Variants in LNX1 observed in about 807,000 individuals in gnomAD.
The protein encoded by LNX1 is ligand of numb-protein X 1, also known as E3 ubiquitin-protein ligase LNX.
Under a neutral mutation model 68.4 loss-of-function variants are expected in LNX1, and 54 were observed. That is an observed-to-expected ratio of 0.79 (90% confidence interval 0.63 to 0.99). The LOEUF (loss-of-function observed/expected upper bound fraction) is 0.99, where lower values mean the gene tolerates loss of function less well. LNX1 is among the 50% of genes least tolerant of loss of function. The probability of loss-of-function intolerance (pLI) is 0.00; values close to 1 mark genes in which losing one functional copy is unlikely to be tolerated. For synonymous variants in LNX1, 336 were observed against 350.0 expected, an observed-to-expected ratio of 0.96 and a Z score of 0.45; for missense variants, 906 against 926.4, an observed-to-expected ratio of 0.98 and a Z score of 0.29.
chr4:53,476,956 C>G lies in LNX1; in HGVS notation c.1689G>C (p.Gly563=), dbSNP rs1456406649. Residue 563 remains glycine, a synonymous_variant, in exon 9 of 11, where the codon GGG becomes GGC. Coordinates refer to ENST00000263925, the MANE Select transcript of LNX1 (RefSeq NM_001126328.3). ...KTGDILLNVD[G]VELTEVSRSE... ...TCCGGCTGACCTCTGTCAGTTCGAC[C>G]CCATCCACATTCAACAAAATGTCAC... 2 of 1,613,942 alleles carry G rather than the reference C, an allele frequency of 1.2e-6. No homozygotes were observed. The highest frequency in any genetic ancestry group is 1.7e-6 in the Non-Finnish European group (2 of 1,180,000).
intron 6 of LNX1, 30 bp downstream of exon 6, chr4:53,495,993 A>G: frequency 6.3e-7 from 1 of 1,591,344 alleles, no homozygotes; most frequent in East Asian, 2.2e-5. Flanking sequence ...GGGGTTTCTG[A>G]CTGGGATCCT....
rs760628042 is a variant in LNX1, at chr4:53,459,635, C to CTAT, written c.*1269_*1271dup. 5.4e-5 allele frequency: 42 copies of CTAT among 780,236 alleles called. No individual in the cohort carries two copies. The highest frequency in any genetic ancestry group is 3.9e-4 in the Middle Eastern group (1 of 2,584). The allele number at this position is 780,236 out of a possible 1,614,324, so 48.3% of individuals were successfully genotyped here. A position where few individuals can be genotyped will look rare whatever the true frequency, so the allele number is the denominator to read the frequency against. ...TTAAGTTAAAAATCTTTGTCTTGTA[C>CTAT]TATTTCAAAAATAAAAAGACAGCAA... On this transcript the variant is annotated 3_prime_UTR_variant, in exon 11 of 11. Transcript: ENST00000263925.
Position 53,513,580 on chromosome 4 carries a change from C to A in LNX1, c.381-5353G>T, listed in dbSNP as rs75490087. On this transcript the variant is annotated intron_variant, in intron 2 of 10. Transcript: ENST00000263925. ...CACATGTTCCTGTGTTACTAAATAG[C>A]TCCTTATCTGTCATTCAGGCCAAAA... 8.9e-3 allele frequency among the ~76,000 whole-genome samples: 1,349 copies of A among 152,318 alleles called. 27 individuals carry two copies. The highest frequency in any genetic ancestry group is 0.031 in the African/African-American group (1,283 of 41,568).
At chr4:53,574,332 TG>T (rs778660518) in intron 1 of LNX1, among the ~76,000 whole-genome samples, 35 of 152,266 alleles carry the variant, frequency 2.3e-4, no homozygotes, top group Middle Eastern at 3.4e-3. Flanking sequence ...CACATTGGTG[TG>T]GTAAGAATCA....
chr4:53,642,676 G>GC (rs538941097), intron 1 of LNX1, among the ~76,000 whole-genome samples: 2 of 152,162 alleles, frequency 1.3e-5, no homozygotes, highest in Non-Finnish European at 2.9e-5. Flanking sequence ...ACAAACACTG[G>GC]CCTTTTGGAG....
intron 4 of LNX1, among the ~76,000 whole-genome samples, chr4:53,500,982 C>T (rs991470488): frequency 7.2e-5 from 11 of 152,104 alleles, no homozygotes; most frequent in Non-Finnish European, 7.3e-5. Flanking sequence ...AAACCTAAAC[C>T]GCTAGAGAAT....
chr4:53,499,703 T>C (rs1725341781), intron 4 of LNX1, among the ~76,000 whole-genome samples: 1 of 152,232 alleles, frequency 6.6e-6, no homozygotes, highest in Non-Finnish European at 1.5e-5. Context: ...GAAAATTTCT[T>C]CCTTAAAGAC....
chr4:53,518,792 T>G (rs1371443121), intron 2 of LNX1, among the ~76,000 whole-genome samples: 1 of 151,954 alleles, frequency 6.6e-6, no homozygotes, highest in Non-Finnish European at 1.5e-5. Flanking sequence ...GCTGATTATT[T>G]GGGGGGCAAC....
intron 7 of LNX1, among the ~76,000 whole-genome samples, chr4:53,480,312 G>T (rs538592730): frequency 6.6e-6 from 1 of 152,252 alleles, no homozygotes; most frequent in Non-Finnish European, 1.5e-5. Flanking sequence ...ATGACAGAGG[G>T]TTGCAGCAGA....
intron 7 of LNX1, among the ~76,000 whole-genome samples, chr4:53,480,429 A>G (rs532944821): frequency 3.3e-5 from 5 of 152,240 alleles, no homozygotes; most frequent in Non-Finnish European, 1.5e-5. Flanking sequence ...GACTTAGAAT[A>G]TGACGTATTC....
intron 1 of LNX1, among the ~76,000 whole-genome samples, chr4:53,631,138 A>G (rs1734254550): frequency 6.6e-6 from 1 of 152,138 alleles, no homozygotes; most frequent in African/African-American, 2.4e-5. Flanking sequence ...GAGTTAAGGG[A>G]TGCAGCTACT....
chr4:53,480,169 T>C (rs1723820008), intron 7 of LNX1, among the ~76,000 whole-genome samples: 1 of 152,252 alleles, frequency 6.6e-6, no homozygotes, highest in African/African-American at 2.4e-5. Context: ...CAAAGAGCCA[T>C]ATATGTCTCA....
chr4:53,644,379 G>A (rs1734803386), intron 1 of LNX1, among the ~76,000 whole-genome samples: 1 of 149,836 alleles, frequency 6.7e-6, no homozygotes, highest in Non-Finnish European at 1.5e-5. Flanking sequence ...TCCAGCCTGG[G>A]CAACAGAGTG....
At chr4:53,461,397 A>G in intron 10 of LNX1, 38 bp downstream of exon 10, 1 of 1,510,512 alleles carries the variant, frequency 6.6e-7, no homozygotes, top group Non-Finnish European at 9.1e-7. Context: ...ATGAAACAAC[A>G]TTTAATACAA....
chr4:53,622,836 A>T (rs1439548460), intron 1 of LNX1, among the ~76,000 whole-genome samples: 1 of 152,214 alleles, frequency 6.6e-6, no homozygotes, highest in African/African-American at 2.4e-5. Flanking sequence ...ATTGTCTGCC[A>T]CAGGACTTGG....
chr4:53,531,838 G>A (rs1577670628), intron 2 of LNX1, among the ~76,000 whole-genome samples: 1 of 152,130 alleles, frequency 6.6e-6, no homozygotes, highest in Non-Finnish European at 1.5e-5. Context: ...TTCCAGGCTC[G>A]GGTGTTGTTG....
chr4:53,580,441 A>G (rs574073819), intron 1 of LNX1, among the ~76,000 whole-genome samples: 35 of 152,256 alleles, frequency 2.3e-4, no homozygotes, highest in Non-Finnish European at 4.1e-4. Flanking sequence ...GCCAGAGTGA[A>G]GTGAGGGAAT....
rs914732109 is a variant in LNX1, at chr4:53,472,212, T to G, written c.1892+4541A>C. Reference sequence around the variant, plus strand: ...GGGACATGGATGAAGCTGGAAACCATCATTCTCAGCAAACTATTGCAAGGA... The same window carrying G: ...GGGACATGGATGAAGCTGGAAACCAGCATTCTCAGCAAACTATTGCAAGGA... On this transcript the variant is annotated intron_variant, in intron 9 of 10. Coordinates refer to ENST00000263925, the MANE Select transcript of LNX1 (RefSeq NM_001126328.3). 2.0e-5 allele frequency among the ~76,000 whole-genome samples: 3 copies of G among 152,072 alleles called. No homozygotes were observed. In the East Asian group the frequency reaches 5.8e-4, roughly 29 times the overall value.
At chr4:53,593,932 A>G (rs1343788006), upstream of LNX1, 1 of 152,060 alleles carries the variant, frequency 6.6e-6, no homozygotes, top group African/African-American at 2.4e-5. Flanking sequence ...ATCAAGGCCC[A>G]CTTTTTAACC....
Sources: gnomAD v4.1 joint callset for allele counts (sites outside exome capture counted in the v4.1 genomes callset) on GRCh38, gnomAD v4.1.1 for gene constraint, MANE v1.5 for transcripts, NCBI Gene and HGNC (gene_info 2026-07-23, HGNC 2026-07-21) for gene names.